The following CUL9 variants were observed in gnomAD, a reference collection of about 807,000 sequenced individuals.
CUL9 encodes the protein cullin 9, also known as cullin-9.
CUL9 carries 79 observed loss-of-function variants against 272.6 expected under a neutral mutation model. That is an observed-to-expected ratio of 0.29 (90% CI 0.24 to 0.35). CUL9 has a LOEUF of 0.35. CUL9 is among the 10% of genes least tolerant of loss of function. The pLI, the probability that CUL9 is intolerant of heterozygous loss-of-function variation, is 1.00. For synonymous variants in CUL9, 1,186 were observed against 1,286.5 expected (o/e 0.92, Z 1.67); for missense variants, 2,532 against 3,255.6 (o/e 0.78, Z 5.41).
rs558580342 is a variant in CUL9 at position 43,213,607 on chromosome 6, C to T, written c.5488+40C>T. ...GCCGGGCTGAGCCTCTGCTGCTGGT[C>T]GGGGGGTCGCCCTCAAGATGGGGGG... On this transcript the variant is annotated intron_variant, in intron 28 of 40. Coordinates refer to ENST00000252050, the MANE Select transcript of CUL9 (RefSeq NM_015089.4). This position sits in a 1 kb window ranked among gnomAD's most constrained non-coding sequence, Gnocchi z 5.7. The T allele has an allele frequency of 1.1e-4, 178 of 1,601,550 alleles. 1 individual carries two copies. The South Asian group carries it at 1.2e-3, about 11-fold the overall frequency.
chr6:43,201,690 A>AG (rs1774581022), intron 16 of CUL9, among the ~76,000 whole-genome samples: 1 of 152,198 alleles, frequency 6.6e-6, no homozygotes, highest in African/African-American at 2.4e-5. Flanking sequence ...CGTGTTAGTC[A>AG]GGATGGTCTC....
rs1776115881 is a variant in CUL9, at chr6:43,218,714, A to G, written c.6283-1745A>G. On this transcript the variant is annotated intron_variant, in intron 31 of 40. Coordinates refer to ENST00000252050, the MANE Select transcript of CUL9 (RefSeq NM_015089.4). The surrounding 1 kb of genome is among the most constrained non-coding windows in gnomAD (Gnocchi z 4.4). ...GGAGCTGACGGGAGTTGGTGGGTTAAATGTAGGGGCTTCAGACAGGGGAAT... is the reference window on the plus strand; with the variant it reads ...GGAGCTGACGGGAGTTGGTGGGTTAGATGTAGGGGCTTCAGACAGGGGAAT... 6.6e-6 allele frequency among the ~76,000 whole-genome samples: 1 copy of G among 152,052 alleles called. No individual in the cohort carries two copies. The highest frequency in any genetic ancestry group is 2.1e-4 in the South Asian group (1 of 4,826).
chr6:43,202,602 T>C (rs1774693821), intron 16 of CUL9, 114 bp from the exon 17 acceptor site: 1 of 844,232 alleles, frequency 1.2e-6, no homozygotes, highest in Non-Finnish European at 2.0e-6. Context: ...CAGGTTGATC[T>C]TAAACTAGCC....
chr6:43,200,089 C>G lies in CUL9; in HGVS notation c.3317C>G (p.Thr1106Arg). ...GGCTGTGAGCTTCGGGACCTGGTGA[C>G]AGAGTGTGAGAAGTACGCACAGCTC... ...LLGCELRDLV[T>R]ECEKYAQLYS... Residue 1106 changes from threonine (T) to arginine (R), a missense_variant, in exon 14 of 41, where the codon ACA becomes AGA. Around this residue, in one of 3 missense-constraint regions of CUL9, gnomAD observed 2,218 missense variants for 2,788.6 expected, o/e 0.80. Coordinates refer to ENST00000252050, the MANE Select transcript of CUL9 (RefSeq NM_015089.4). The surrounding 1 kb of genome is among the most constrained non-coding windows in gnomAD (Gnocchi z 4.0). The G allele has an allele frequency of 6.2e-7, 1 of 1,614,206 alleles. No individual in the cohort carries two copies. The highest frequency in any genetic ancestry group is 8.5e-7 in the Non-Finnish European group (1 of 1,180,030).
At chr6:43,201,139 T>C (rs1774494008) in intron 16 of CUL9, among the ~76,000 whole-genome samples, 1 of 152,208 alleles carries the variant, frequency 6.6e-6, no homozygotes, top group Admixed American at 6.5e-5. Flanking sequence ...GGCATTTGTG[T>C]CAGGCACTGT....
In CUL9 at chr6:43,220,779, G is replaced by A. The variant is rs1776300955; in HGVS notation, c.6456G>A (p.Glu2152=). The A allele has an allele frequency of 6.2e-7, 1 of 1,613,144 alleles. No homozygotes were observed. The highest frequency in any genetic ancestry group is 8.5e-7 in the Non-Finnish European group (1 of 1,179,998). ...YEKALLRGYV[E]SCSNLTWCTN... ...AGGCGCTCCTGCGTGGCTATGTGGA[G>A]AGCTGCTCCAACCTGACCTGGTGCA... Residue 2152 remains glutamate, a synonymous_variant, in exon 33 of 41, where the codon GAG becomes GAA. Transcript: ENST00000252050. The surrounding 1 kb of genome is among the most constrained non-coding windows in gnomAD (Gnocchi z 4.9).
At chr6:43,190,189 TGTC>T (rs1773327741) in intron 8 of CUL9, among the ~76,000 whole-genome samples, 1 of 152,212 alleles carries the variant, frequency 6.6e-6, no homozygotes, top group South Asian at 2.1e-4. Flanking sequence ...CACTGAATAT[TGTC>T]GTCTTTTTTA....
Position 43,185,627 on chromosome 6 carries a change from A to T in CUL9, c.750+17A>T. On this transcript the variant is annotated intron_variant, in intron 3 of 40. Transcript: ENST00000252050. The stretch of plus-strand genomic sequence containing the variant: ...CTGCCTCAGGTACACTGCCAGCTGT[A>T]GGGAAATGCTGTGTACAAGGGCTAA... The T allele has an allele frequency of 6.2e-7, 1 of 1,607,502 alleles. No individual in the cohort carries two copies. The highest frequency in any genetic ancestry group is 8.5e-7 in the Non-Finnish European group (1 of 1,178,758).
intron 11 of CUL9, 48 bp downstream of exon 11, chr6:43,196,910 C>T: frequency 6.7e-7 from 1 of 1,486,218 alleles, no homozygotes; most frequent in Non-Finnish European, 9.3e-7. Flanking sequence ...ACAGTGCCAG[C>T]CAGGTTTACA....
chr6:43,185,807 C>T, intron 3 of CUL9, 148 bp from the exon 4 acceptor site: 1 of 1,190,324 alleles, frequency 8.4e-7, no homozygotes, highest in Non-Finnish European at 1.2e-6. Context: ...AAGACACTCC[C>T]TATGCCTTTC....
intron 11 of CUL9, among the ~76,000 whole-genome samples, chr6:43,197,987 T>G (rs1367427842): frequency 6.6e-6 from 1 of 151,762 alleles, no homozygotes; most frequent in Non-Finnish European, 1.5e-5. Context: ...ATGCCTTTAA[T>G]CCCAGCACTT....
chr6:43,197,103 G>A (rs1774066252), intron 11 of CUL9, among the ~76,000 whole-genome samples: 1 of 152,012 alleles, frequency 6.6e-6, no homozygotes, highest in African/African-American at 2.4e-5. Flanking sequence ...CTAGAGTGCA[G>A]TGGCACGATC....
rs1774381243 is a variant in CUL9 at position 43,200,058 on chromosome 6, C to G, written c.3286C>G (p.Leu1096Val). The G allele has an allele frequency of 6.2e-7, 1 of 1,614,252 alleles. No homozygotes were observed. Among genetic ancestry groups the G allele is most frequent in the Non-Finnish European group, 8.5e-7 (1 of 1,180,046 alleles). Reference protein sequence around the residue: ...KVLDKHSAQLLLGCELRDLVT... With the variant: ...KVLDKHSAQLVLGCELRDLVT... ...CCTGGACAAGCACTCAGCTCAGCTG[C>G]TGCTGGGCTGTGAGCTTCGGGACCT... The change falls in exon 14 of 41, where the codon CTG becomes GTG. Residue 1096 changes from leucine (L) to valine (V), a missense_variant. Around this residue, in one of 3 missense-constraint regions of CUL9, gnomAD observed 2,218 missense variants for 2,788.6 expected, o/e 0.80. Transcript: ENST00000252050. The surrounding 1 kb of genome is among the most constrained non-coding windows in gnomAD (Gnocchi z 4.0).
chr6:43,187,068 G>T lies in CUL9; in HGVS notation c.1360G>T (p.Gly454Trp). ...EDKASAAVEK[G>W]AGATVLGTAF... is the part of the protein sequence containing the mutation. ...TAAGGCTTCAGCAGCTGTGGAGAAG[G>T]GGGCAGGGGCTACTGTGTTGGGCAC... The change falls in exon 5 of 41, where the codon GGG (glycine) becomes TGG (tryptophan). Residue 454 changes from glycine (G) to tryptophan (W), a missense_variant. Coordinates refer to ENST00000252050, the MANE Select transcript of CUL9 (RefSeq NM_015089.4). 1 of 1,614,110 alleles carries T rather than the reference G, an allele frequency of 6.2e-7. No homozygotes were observed. The highest frequency in any genetic ancestry group is 8.5e-7 in the Non-Finnish European group (1 of 1,179,952).
In CUL9 at chr6:43,203,728, TTG is replaced by T. The variant is rs1774821786; in HGVS notation, c.4026-122_4026-121del. On this transcript the variant is annotated intron_variant, in intron 19 of 40. Transcript: ENST00000252050. This position sits in a 1 kb window ranked among gnomAD's most constrained non-coding sequence, Gnocchi z 5.0. ...GGGAAGGTGAACGTAGGTGAGAAGT[TTG>T]TGTTAATTGGGAAAAGTTGGGTCAG... is the stretch of plus-strand genomic sequence containing the variant. 1.3e-6 allele frequency: 2 copies of T among 1,507,904 alleles called. No individual in the cohort carries two copies. Among genetic ancestry groups the T allele is most frequent in the African/African-American group, 2.8e-5 (2 of 72,064 alleles). The allele number at this position is 1,507,904 out of a possible 1,614,324, so 93.4% of individuals were successfully genotyped here.
chr6:43,188,136 A>G lies in CUL9; in HGVS notation c.1987+18A>G. ...AGCCAGTGGTGAGTCAGGTTCTGGG[A>G]GGAAGCAATTGGAACAAGTCCTGGG... On this transcript the variant is annotated intron_variant, in intron 7 of 40. Transcript: ENST00000252050. 1 of 1,612,944 alleles carries G rather than the reference A, an allele frequency of 6.2e-7. No homozygotes were observed. The highest frequency in any genetic ancestry group is 8.5e-7 in the Non-Finnish European group (1 of 1,179,952).
rs1236245928 is a variant in CUL9 at position 43,222,314 on chromosome 6, A to G, written c.6847-2A>G. On this transcript the variant is annotated splice_acceptor_variant, in intron 35 of 40. Coordinates refer to ENST00000252050, the MANE Select transcript of CUL9 (RefSeq NM_015089.4). LOFTEE classifies it high-confidence loss of function. ...ATAGCCCTCCCAACGTATCCTTGCT[A>G]GGTAAGCAAGGCAGCTCGCCAGGAG... is the stretch of plus-strand genomic sequence containing the variant. The G allele has an allele frequency of 6.2e-7, 1 of 1,612,772 alleles. No individual in the cohort carries two copies. Among genetic ancestry groups the G allele is most frequent in the Non-Finnish European group, 8.5e-7 (1 of 1,178,874 alleles).
At position 43,223,510 on chromosome 6, in the gene CUL9, G is replaced by A; in HGVS notation, c.7284+113G>A. On this transcript the variant is annotated intron_variant, in intron 39 of 40. Transcript: ENST00000252050. This position sits in a 1 kb window ranked among gnomAD's most constrained non-coding sequence, Gnocchi z 4.1. ...GTCCAGAAGGAAAGGCAGCAAAGCG[G>A]GTGAATGGATGTTAGACCTGGGCGC... 1.4e-6 allele frequency: 2 copies of A among 1,407,528 alleles called. No individual in the cohort carries two copies. Among genetic ancestry groups the A allele is most frequent in the Non-Finnish European group, 1.9e-6 (2 of 1,051,666 alleles). 87.2% of individuals were successfully genotyped at this position (1,407,528 alleles called of 1,614,324 possible).
In CUL9 at chr6:43,203,393, C is replaced by G; in HGVS notation, c.3850-24C>G. On this transcript the variant is annotated intron_variant, in intron 18 of 40. Transcript: ENST00000252050. The surrounding 1 kb of genome is among the most constrained non-coding windows in gnomAD (Gnocchi z 5.0). Reference sequence around the variant, plus strand: ...TTAGTGGCTCAAGCGGCTTGGGTGACAGATAAGTCTGTGCATGTTCCAGGG... The same window carrying G: ...TTAGTGGCTCAAGCGGCTTGGGTGAGAGATAAGTCTGTGCATGTTCCAGGG... 2 of 1,612,324 alleles carry G rather than the reference C, an allele frequency of 1.2e-6. No individual in the cohort carries two copies. Among genetic ancestry groups the G allele is most frequent in the Non-Finnish European group, 1.7e-6 (2 of 1,179,116 alleles).
Sources: allele counts gnomAD v4.1 joint callset (sites outside exome capture counted in the v4.1 genomes callset), GRCh38; gene constraint gnomAD v4.1.1; regional missense constraint gnomAD v4.1.1; non-coding constraint Gnocchi (gnomAD v3.1); transcripts MANE v1.5; gene names NCBI Gene and HGNC (gene_info 2026-07-23, HGNC 2026-07-21).